PAM: variants seen among roughly 807,000 people sequenced by gnomAD.
The protein encoded by PAM is peptidylglycine alpha-amidating monooxygenase, also known as peptidyl-glycine alpha-amidating monooxygenase.
Under a neutral mutation model 122.1 loss-of-function variants are expected in PAM, and 72 were observed. The observed-to-expected ratio is 0.59, with a 90% CI of 0.49 to 0.72. PAM has a LOEUF of 0.72. PAM is among the 30% of genes least tolerant of loss of function. The probability of loss-of-function intolerance (pLI) is 0.00; values close to 1 mark genes in which losing one functional copy is unlikely to be tolerated. For missense variants in PAM, 1,106 were observed against 1,183.7 expected, an observed-to-expected ratio of 0.93 and a Z score of 0.96; for synonymous variants, 389 against 404.4, an observed-to-expected ratio of 0.96 and a Z score of 0.46.
At chr5:102,775,065 G>T (rs1219062044) in intron 1 of PAM, among the ~76,000 whole-genome samples, 1 of 151,842 alleles carries the variant, frequency 6.6e-6, no homozygotes, top group Non-Finnish European at 1.5e-5. Context: ...TATATGTTAT[G>T]ATATATTATC....
At position 102,920,700 on chromosome 5, in the gene PAM, A is replaced by G. The variant is rs148585539; in HGVS notation, c.357-4257A>G. ...GTTGTGTTTCTTTAAAAAACTTTCT[A>G]ACTTTAGATCAGTTTTCCTGGTTGT... On this transcript the variant is annotated intron_variant, in intron 5 of 25. Transcript: ENST00000438793. Among the ~76,000 whole-genome samples the G allele has an allele frequency of 3.0e-3, 463 of 152,076 alleles. 5 individuals carry two copies. The highest frequency in any genetic ancestry group is 0.011 in the African/African-American group (437 of 41,508).
chr5:102,799,082 A>G (rs186459036), intron 1 of PAM, among the ~76,000 whole-genome samples: 4 of 152,346 alleles, frequency 2.6e-5, no homozygotes, highest in East Asian at 1.9e-4. Context: ...GAAACCATCA[A>G]CTGAAGAATA....
In PAM at chr5:102,779,886, CATATATATATATATAT is replaced by C. The variant is rs767088116; in HGVS notation, c.-374+24556_-374+24571del. On this transcript the variant is annotated intron_variant, in intron 1 of 25. Coordinates refer to ENST00000438793, the MANE Select transcript of PAM (RefSeq NM_001177306.2). Reference sequence around the variant, plus strand: ...TTAATACTTAATAAACTCCCATATACATATATATATATATATATATATATATATATATACACACATA... The same window carrying C: ...TTAATACTTAATAAACTCCCATATACATATATATATATATATACACACATA... 5.4e-4 allele frequency among the ~76,000 whole-genome samples: 44 copies of C among 81,054 alleles called. No homozygotes were observed. The Middle Eastern group carries it at 0.019, about 35-fold the overall frequency. The allele number at this position is 81,054 out of a possible 152,430, so 53.2% of individuals were successfully genotyped here. A position where few individuals can be genotyped will look rare whatever the true frequency, so the allele number is the denominator to read the frequency against.
intron 3 of PAM, among the ~76,000 whole-genome samples, chr5:102,899,741 C>T (rs1435501230): frequency 6.6e-6 from 1 of 151,606 alleles, no homozygotes; most frequent in African/African-American, 2.4e-5. Context: ...TCAGTAGTTA[C>T]TATTGCAGTA....
At chr5:102,845,633 C>T (rs567179721) in intron 1 of PAM, among the ~76,000 whole-genome samples, 5 of 152,236 alleles carry the variant, frequency 3.3e-5, no homozygotes, top group African/African-American at 1.2e-4. Flanking sequence ...TCAGAACATC[C>T]AATACTTCCA....
At chr5:103,007,809 GTTTTGATTAAGGTACCACTATT>G in intron 20 of PAM, 152 bp downstream of exon 20, 1 of 599,038 alleles carries the variant, frequency 1.7e-6, no homozygotes, top group East Asian at 2.8e-5. Flanking sequence ...TTCTAACTCA[GTTTTGATTAAGGTACCACTATT>G]CATTGTACAG....
At chr5:102,860,117 G>T (rs1783760863) in intron 1 of PAM, among the ~76,000 whole-genome samples, 1 of 152,120 alleles carries the variant, frequency 6.6e-6, no homozygotes, top group Admixed American at 6.5e-5. Flanking sequence ...TTCCTGACCG[G>T]TTCAGTCCTA....
downstream of PAM, chr5:103,030,529 T>G (rs1165919950): frequency 2.0e-5 from 3 of 152,216 alleles, no homozygotes; most frequent in Admixed American, 2.0e-4. Flanking sequence ...ACGGTAAGTC[T>G]GCTAGGGCAT....
intron 1 of PAM, among the ~76,000 whole-genome samples, chr5:102,774,436 CCTTT>C (rs1756623057): frequency 6.6e-6 from 1 of 152,062 alleles, no homozygotes; most frequent in African/African-American, 2.4e-5. Context: ...TCGAATGTGA[CCTTT>C]CTGTGTCAGT....
intron 9 of PAM, 63 bp from the exon 10 acceptor site, chr5:102,949,474 G>T: frequency 2.3e-6 from 2 of 858,092 alleles, no homozygotes. Flanking sequence ...CATAATTTTA[G>T]ATAAGAATAA....
At chr5:102,948,484 A>G (rs1757724571) in intron 9 of PAM, 39 bp downstream of exon 9, 1 of 935,792 alleles carries the variant, frequency 1.1e-6, no homozygotes, top group Admixed American at 1.8e-5. Context: ...TTACCTCATT[A>G]CCTAATCTGT....
chr5:102,775,693 A>G (rs1047360913), intron 1 of PAM, among the ~76,000 whole-genome samples: 1 of 152,078 alleles, frequency 6.6e-6, no homozygotes, highest in Non-Finnish European at 1.5e-5. Context: ...TGGCTGCATG[A>G]TAGTTCATGG....
At chr5:102,867,229 A>G in intron 2 of PAM, 44 bp from the exon 3 acceptor site, 1 of 1,406,366 alleles carries the variant, frequency 7.1e-7, no homozygotes, top group Non-Finnish European at 1.0e-6. Flanking sequence ...TTGAGTTTAG[A>G]TTCCATTATG....
intron 1 of PAM, among the ~76,000 whole-genome samples, chr5:102,858,264 A>G (rs1288329980): frequency 6.6e-6 from 1 of 152,204 alleles, no homozygotes; most frequent in Non-Finnish European, 1.5e-5. Context: ...TTTGATTTAC[A>G]AGTTAAGCTT....
intron 15 of PAM, among the ~76,000 whole-genome samples, chr5:102,975,759 A>G (rs1440820361): frequency 1.3e-5 from 2 of 152,202 alleles, no homozygotes; most frequent in African/African-American, 4.8e-5. Flanking sequence ...ACAACATGGA[A>G]ATATAAAAGG....
intron 12 of PAM, among the ~76,000 whole-genome samples, chr5:102,955,134 C>T (rs1444706505): frequency 6.6e-6 from 1 of 151,862 alleles, no homozygotes; most frequent in Non-Finnish European, 1.5e-5. Flanking sequence ...TGAATATAAA[C>T]GGGGTAGAGG....
At chr5:102,989,545 A>G (rs1024943919) in intron 15 of PAM, among the ~76,000 whole-genome samples, 1 of 152,136 alleles carries the variant, frequency 6.6e-6, no homozygotes, top group Non-Finnish European at 1.5e-5. Context: ...TTCTCTGAAG[A>G]TATATTCTGA....
At chr5:102,994,418 A>G (rs1775057458) in intron 16 of PAM, among the ~76,000 whole-genome samples, 1 of 152,198 alleles carries the variant, frequency 6.6e-6, no homozygotes, top group Non-Finnish European at 1.5e-5. Flanking sequence ...CTCTCAAGCA[A>G]TCTTATGCTG....
intron 1 of PAM, among the ~76,000 whole-genome samples, chr5:102,767,396 T>C (rs1754434221): frequency 6.6e-6 from 1 of 152,180 alleles, no homozygotes; most frequent in Non-Finnish European, 1.5e-5. Flanking sequence ...TCATCTGGCC[T>C]CTTATTCTGG....
Sources: allele counts gnomAD v4.1 joint callset (sites outside exome capture counted in the v4.1 genomes callset), GRCh38; gene constraint gnomAD v4.1.1; transcripts MANE v1.5; gene names NCBI Gene and HGNC (gene_info 2026-07-23, HGNC 2026-07-21).